The following SLC9A4 variants were observed in gnomAD, a reference collection of about 807,000 sequenced individuals.
SLC9A4 encodes the protein sodium/hydrogen exchanger 4.
A neutral mutation model predicts 67.4 loss-of-function variants in SLC9A4; 63 were observed. The observed-to-expected ratio is 0.93, with a 90% CI of 0.76 to 1.15. SLC9A4 has a LOEUF of 1.15. SLC9A4 is among the 50% of genes most tolerant of loss of function. The pLI is 0.00. For missense variants in SLC9A4, 1,089 were observed against 987.7 expected (o/e 1.10, Z -1.38); for synonymous variants, 393 against 367.2 (o/e 1.07, Z -0.80).
At chr2:102,501,372 C>T (rs1010953506) in intron 2 of SLC9A4, among the ~76,000 whole-genome samples, 3 of 152,114 alleles carry the variant, frequency 2.0e-5, no homozygotes, top group East Asian at 1.9e-4. Context: ...CTGCCCACCT[C>T]GGCCTCCAAA....
Position 102,533,198 on chromosome 2 carries a change from T to A in SLC9A4, c.*510T>A, listed in dbSNP as rs1674814399. On this transcript the variant is annotated 3_prime_UTR_variant, in exon 12 of 12. Coordinates refer to ENST00000295269, the MANE Select transcript of SLC9A4 (RefSeq NM_001011552.4). ...CAAACTGAAACTAATTTGATTTTGATTTCATATTCAATATGCAATAATTAT... is the reference window on the plus strand; with the variant it reads ...CAAACTGAAACTAATTTGATTTTGAATTCATATTCAATATGCAATAATTAT... The A allele has an allele frequency of 6.5e-6, 1 of 154,876 alleles. No individual in the cohort carries two copies. Among genetic ancestry groups the A allele is most frequent in the Non-Finnish European group, 1.4e-5 (1 of 69,502 alleles). 9.6% of individuals were successfully genotyped at this position (154,876 alleles called of 1,614,324 possible).
At chr2:102,514,055 T>C (rs1332590910) in intron 7 of SLC9A4, 35 bp from the exon 8 acceptor site, 1 of 1,603,878 alleles carries the variant, frequency 6.2e-7, no homozygotes, top group Non-Finnish European at 8.5e-7. Context: ...CATACAGACG[T>C]TCAAGATTTC....
chr2:102,473,807 A>T lies in SLC9A4; in HGVS notation c.48A>T (p.Leu16=), dbSNP rs777183787. The change falls in exon 1 of 12, where the codon CTA becomes CTT. Residue 16 remains leucine (L), a synonymous_variant. Transcript: ENST00000295269. ...FVTYSPWNCL[L]LLVALECSEA... is the part of the protein sequence containing the mutation. ...CTTACAGTCCTTGGAATTGTTTGCT[A>T]CTGCTAGTGGCTCTTGAGTGTTCTG... The T allele has an allele frequency of 6.2e-7, 1 of 1,614,108 alleles. No homozygotes were observed. The highest frequency in any genetic ancestry group is 1.7e-5 in the Admixed American group (1 of 60,024).
intron 10 of SLC9A4, 71 bp downstream of exon 10, chr2:102,525,226 G>A: frequency 6.3e-7 from 1 of 1,595,780 alleles, no homozygotes; most frequent in African/African-American, 1.3e-5. Context: ...GCCTGTTCCT[G>A]TACAGGATCT....
At chr2:102,474,512 G>A (rs2104409244) in intron 1 of SLC9A4, among the ~76,000 whole-genome samples, 1 of 152,238 alleles carries the variant, frequency 6.6e-6, no homozygotes, top group East Asian at 1.9e-4. Context: ...GAAAACCATA[G>A]GCAACTTGTA....
chr2:102,493,833 T>A (rs1684753771), intron 2 of SLC9A4, among the ~76,000 whole-genome samples: 1 of 151,898 alleles, frequency 6.6e-6, no homozygotes, highest in Admixed American at 6.5e-5. Context: ...CAATTATGTT[T>A]GTGACAGAAA....
intron 8 of SLC9A4, among the ~76,000 whole-genome samples, chr2:102,515,040 A>G (rs565874702): frequency 6.6e-6 from 1 of 152,306 alleles, no homozygotes; most frequent in Admixed American, 6.5e-5. Context: ...CAATGTCAAA[A>G]GAACTCATTA....
At position 102,487,816 on chromosome 2, in the gene SLC9A4, G is replaced by A. The variant is rs563041595; in HGVS notation, c.720+8514G>A. Among the ~76,000 whole-genome samples the A allele has an allele frequency of 8.5e-5, 13 of 152,316 alleles. No individual in the cohort carries two copies. In the East Asian group the frequency reaches 2.1e-3, roughly 25 times the overall value. ...AATGGATTTGGAAGAGAAACAGGGAGAAAAGCAATGTCGCTTTAGCTTTTT... is the reference window on the plus strand; with the variant it reads ...AATGGATTTGGAAGAGAAACAGGGAAAAAAGCAATGTCGCTTTAGCTTTTT... On this transcript the variant is annotated intron_variant, in intron 2 of 11. Coordinates refer to ENST00000295269, the MANE Select transcript of SLC9A4 (RefSeq NM_001011552.4).
chr2:102,487,440 A>C (rs1214757107), intron 2 of SLC9A4, among the ~76,000 whole-genome samples: 1 of 152,136 alleles, frequency 6.6e-6, no homozygotes, highest in Non-Finnish European at 1.5e-5. Flanking sequence ...TACTTCCTGC[A>C]CTTGTGGAGT....
At chr2:102,478,326 C>T (rs566364141) in intron 1 of SLC9A4, among the ~76,000 whole-genome samples, 19 of 152,310 alleles carry the variant, frequency 1.2e-4, no homozygotes, top group African/African-American at 4.3e-4. Flanking sequence ...CATGAGAATG[C>T]GACCTGATTT....
intron 2 of SLC9A4, among the ~76,000 whole-genome samples, chr2:102,485,387 C>T (rs6749440): frequency 0.16 from 24,643 of 152,172 alleles, 2,430 homozygotes; most frequent in African/African-American, 0.28. Context: ...GACCATTGAC[C>T]TTTCATGCAG....
chr2:102,484,046 A>G (rs1158860444), intron 2 of SLC9A4, among the ~76,000 whole-genome samples: 1 of 152,010 alleles, frequency 6.6e-6, no homozygotes, highest in African/African-American at 2.4e-5. Flanking sequence ...GGCCAAAATC[A>G]CAGCAGGAAG....
At chr2:102,496,906 A>G (rs750747542) in intron 2 of SLC9A4, among the ~76,000 whole-genome samples, 16 of 152,206 alleles carry the variant, frequency 1.1e-4, no homozygotes, top group Admixed American at 5.2e-4. Context: ...GGTGTGTAAA[A>G]TGATATGATG....
intron 11 of SLC9A4, among the ~76,000 whole-genome samples, chr2:102,527,836 A>C (rs1242552775): frequency 6.6e-6 from 1 of 152,124 alleles, no homozygotes; most frequent in East Asian, 1.9e-4. Context: ...GTGAAGTTGA[A>C]CATCTTTCAC....
chr2:102,474,586 C>T (rs541499813), intron 1 of SLC9A4, among the ~76,000 whole-genome samples: 1 of 152,256 alleles, frequency 6.6e-6, no homozygotes, highest in East Asian at 1.9e-4. Flanking sequence ...TTAGTTTATA[C>T]CTACCAAGTG....
chr2:102,525,799 C>A (rs568555577), intron 10 of SLC9A4, among the ~76,000 whole-genome samples: 48 of 152,172 alleles, frequency 3.2e-4, no homozygotes, highest in African/African-American at 1.1e-3. Flanking sequence ...TGGAGACTGG[C>A]GTGTTCTGCT....
chr2:102,496,426 A>C (rs1684811836), intron 2 of SLC9A4, among the ~76,000 whole-genome samples: 1 of 152,240 alleles, frequency 6.6e-6, no homozygotes, highest in African/African-American at 2.4e-5. Context: ...GGTGTTCTGC[A>C]GTAGATAGGG....
intron 6 of SLC9A4, among the ~76,000 whole-genome samples, chr2:102,511,518 C>T (rs1685162444): frequency 6.6e-6 from 1 of 151,718 alleles, no homozygotes; most frequent in Admixed American, 6.6e-5. Context: ...TTTTTCAAAA[C>T]AAAATTCAGA....
chr2:102,518,836 A>G (rs1685333400), intron 8 of SLC9A4, among the ~76,000 whole-genome samples: 1 of 152,214 alleles, frequency 6.6e-6, no homozygotes, highest in Non-Finnish European at 1.5e-5. Context: ...TTATGCGTTC[A>G]AAATTCAAAA....
Sources: gnomAD v4.1 joint callset for allele counts (sites outside exome capture counted in the v4.1 genomes callset) on GRCh38, gnomAD v4.1.1 for gene constraint, MANE v1.5 for transcripts, NCBI Gene and HGNC (gene_info 2026-07-23, HGNC 2026-07-21) for gene names.